Variants in CYP19A1 observed in about 807,000 individuals in gnomAD.
CYP19A1 encodes the protein cytochrome P450 family 19 subfamily A member 1.
In CYP19A1, 32 loss-of-function variants were observed where a neutral mutation model predicts 44.4. That is an observed-to-expected ratio of 0.72 (90% confidence interval 0.54 to 0.97). The LOEUF (loss-of-function observed/expected upper bound fraction) is 0.97. Ranked by LOEUF, CYP19A1 falls within the 50% of genes least tolerant of loss-of-function variation. The pLI is 0.00. For missense variants in CYP19A1, 598 were observed against 637.8 expected, an observed-to-expected ratio of 0.94 and a Z score of 0.67; for synonymous variants, 212 against 215.6, an observed-to-expected ratio of 0.98 and a Z score of 0.14.
rs566283409 is a variant in CYP19A1, at chr15:51,227,406, C to T, written c.451+373G>A. 8.6e-4 allele frequency among the ~76,000 whole-genome samples: 131 copies of T among 152,212 alleles called. 1 individual carries two copies. The highest frequency in any genetic ancestry group is 3.0e-3 in the African/African-American group (124 of 41,468). On this transcript the variant is annotated intron_variant, in intron 4 of 9. Coordinates refer to ENST00000396402, the MANE Select transcript of CYP19A1 (RefSeq NM_000103.4). Reference sequence around the variant, plus strand: ...TTCAGACTAGGAATGATAGCTCATGCCTGTAATCCCAGCACTTTGGGAGGC... The same window carrying T: ...TTCAGACTAGGAATGATAGCTCATGTCTGTAATCCCAGCACTTTGGGAGGC...
intron 1 of CYP19A1, chr15:51,278,838 T>G (rs1456465080): frequency 4.6e-5 from 7 of 152,236 alleles, no homozygotes. Context: ...TCTCTTTTCC[T>G]GGTGACACTG....
intron 1 of CYP19A1, among the ~76,000 whole-genome samples, chr15:51,260,484 A>C (rs1254440322): frequency 6.6e-6 from 1 of 152,206 alleles, no homozygotes; most frequent in African/African-American, 2.4e-5. Context: ...AGACGGACTG[A>C]GATTACCACG....
chr15:51,325,836 C>CAAA (rs61378264), intron 1 of CYP19A1, among the ~76,000 whole-genome samples: 6 of 57,170 alleles, frequency 1.0e-4, no homozygotes, highest in Non-Finnish European at 1.5e-4. Context: ...GACTCCGTCT[C>CAAA]AAAAAAAAAA....
At chr15:51,298,637 G>A (rs2036048256) in intron 1 of CYP19A1, among the ~76,000 whole-genome samples, 1 of 152,202 alleles carries the variant, frequency 6.6e-6, no homozygotes, top group Non-Finnish European at 1.5e-5. Context: ...TTCCTTTTGT[G>A]AACAGCAGTC....
At chr15:51,317,758 G>C (rs1041046759) in intron 1 of CYP19A1, among the ~76,000 whole-genome samples, 4 of 152,194 alleles carry the variant, frequency 2.6e-5, no homozygotes, top group Admixed American at 6.5e-5. Flanking sequence ...CTGTGACAGA[G>C]CAGATAATCT....
chr15:51,257,216 A>T, intron 1 of CYP19A1, among the ~76,000 whole-genome samples: 1 of 152,218 alleles, frequency 6.6e-6, no homozygotes, highest in South Asian at 2.1e-4. Flanking sequence ...AATCAGACCC[A>T]TGAAGTAGAT....
At chr15:51,317,839 G>A (rs561011993) in intron 1 of CYP19A1, among the ~76,000 whole-genome samples, 7 of 152,238 alleles carry the variant, frequency 4.6e-5, no homozygotes, top group Non-Finnish European at 1.0e-4. Context: ...CACCCAGCCA[G>A]GGAGTGGCAG....
chr15:51,231,411 T>C (rs1490534372), intron 3 of CYP19A1, among the ~76,000 whole-genome samples: 1 of 152,132 alleles, frequency 6.6e-6, no homozygotes, highest in Non-Finnish European at 1.5e-5. Context: ...CCTACTCATT[T>C]GACAATTTTC....
chr15:51,218,076 A>C (rs2031740082), intron 6 of CYP19A1, among the ~76,000 whole-genome samples: 1 of 152,256 alleles, frequency 6.6e-6, no homozygotes, highest in Admixed American at 6.5e-5. Context: ...TATTGAAGTT[A>C]ATTGTACTCA....
chr15:51,274,908 C>T (rs1291630721), intron 1 of CYP19A1, among the ~76,000 whole-genome samples: 1 of 152,174 alleles, frequency 6.6e-6, no homozygotes, highest in East Asian at 1.9e-4. Flanking sequence ...TCCTGCAACG[C>T]TGGGGAGAAA....
intron 1 of CYP19A1, chr15:51,277,021 AAAAG>A (rs998931300): frequency 6.6e-5 from 10 of 151,850 alleles, no homozygotes; most frequent in African/African-American, 2.2e-4. Context: ...GGCACAAAAA[AAAAG>A]AGAGAGAGAG....
At chr15:51,226,614 G>A (rs1340695101) in intron 4 of CYP19A1, among the ~76,000 whole-genome samples, 1 of 152,180 alleles carries the variant, frequency 6.6e-6, no homozygotes, top group Non-Finnish European at 1.5e-5. Context: ...CACAGCACGG[G>A]CTGCTGGAGG....
intron 1 of CYP19A1, among the ~76,000 whole-genome samples, chr15:51,250,812 G>A (rs1201282845): frequency 6.6e-6 from 1 of 152,128 alleles, no homozygotes; most frequent in African/African-American, 2.4e-5. Flanking sequence ...TTTTCTAAGA[G>A]GTTTCCCATG....
At chr15:51,281,511 C>G (rs1347615456) in intron 1 of CYP19A1, among the ~76,000 whole-genome samples, 1 of 152,164 alleles carries the variant, frequency 6.6e-6, no homozygotes, top group Non-Finnish European at 1.5e-5. Context: ...TCCAGACATA[C>G]AGCCCGGCAG....
At chr15:51,224,106 C>T (rs1450091342) in intron 4 of CYP19A1, among the ~76,000 whole-genome samples, 2 of 152,166 alleles carry the variant, frequency 1.3e-5, no homozygotes, top group Non-Finnish European at 2.9e-5. Flanking sequence ...AATATGGACA[C>T]ATTTCTCGGC....
Position 51,209,538 on chromosome 15 carries a change from T to C in CYP19A1, c.*1270A>G, listed in dbSNP as rs1354204771. 6.6e-6 allele frequency: 1 copy of C among 152,528 alleles called. No individual in the cohort carries two copies. The highest frequency in any genetic ancestry group is 1.5e-5 in the Non-Finnish European group (1 of 68,026). The allele number at this position is 152,528 out of a possible 1,614,324, so 9.4% of individuals were successfully genotyped here. A position where few individuals can be genotyped will look rare whatever the true frequency, so the allele number is the denominator to read the frequency against. On this transcript the variant is annotated 3_prime_UTR_variant, in exon 10 of 10. Coordinates refer to ENST00000396402, the MANE Select transcript of CYP19A1 (RefSeq NM_000103.4). ...TGACATTCAGTAGAGATAGTTATAT[T>C]GGCTATATAACACAAGTAAAGTGGT...
chr15:51,253,581 C>A (rs776845588), intron 1 of CYP19A1, among the ~76,000 whole-genome samples: 3 of 152,140 alleles, frequency 2.0e-5, no homozygotes, highest in South Asian at 2.1e-4. Flanking sequence ...TTTTATGTGT[C>A]ATTTCCCCAC....
intron 5 of CYP19A1, 89 bp downstream of exon 5, chr15:51,222,260 G>T: frequency 6.2e-7 from 1 of 1,604,356 alleles, no homozygotes; most frequent in African/African-American, 1.3e-5. Context: ...GTAGAAAATG[G>T]CATGTGATTC....
chr15:51,251,494 A>C (rs2034307700), intron 1 of CYP19A1, among the ~76,000 whole-genome samples: 1 of 152,220 alleles, frequency 6.6e-6, no homozygotes, highest in Admixed American at 6.5e-5. Flanking sequence ...CTCCAGAGCA[A>C]GGACTCACAC....
Sources: allele counts gnomAD v4.1 joint callset (sites outside exome capture counted in the v4.1 genomes callset), GRCh38; gene constraint gnomAD v4.1.1; transcripts MANE v1.5; gene names NCBI Gene and HGNC (gene_info 2026-07-23, HGNC 2026-07-21).